CNTN5: variants seen among roughly 807,000 people sequenced by gnomAD.
CNTN5 encodes the protein contactin 5.
A neutral mutation model predicts 129.1 loss-of-function variants in CNTN5; 77 were observed. That is an observed-to-expected ratio of 0.60 (90% CI 0.50 to 0.72). The LOEUF is 0.72. Among genes scored for constraint, CNTN5 ranks in the 30% least tolerant of loss-of-function variants. The pLI is 0.00. For synonymous variants in CNTN5, 509 were observed against 465.6 expected, an observed-to-expected ratio of 1.09 and a Z score of -1.20; for missense variants, 1,478 against 1,328.8, an observed-to-expected ratio of 1.11 and a Z score of -1.75.
chr11:99,276,451 A>G (rs1462599819), intron 1 of CNTN5, among the ~76,000 whole-genome samples: 2 of 151,556 alleles, frequency 1.3e-5, no homozygotes, highest in Non-Finnish European at 3.0e-5. Context: ...CTTTCCTGTA[A>G]TTTTTTAAAA....
At chr11:99,352,046 T>C (rs766418525) in intron 2 of CNTN5, among the ~76,000 whole-genome samples, 2 of 152,226 alleles carry the variant, frequency 1.3e-5, no homozygotes, top group Non-Finnish European at 2.9e-5. Flanking sequence ...GTATGTACCA[T>C]GCATGTACAA....
At chr11:99,937,052 C>T (rs1950331470) in intron 7 of CNTN5, among the ~76,000 whole-genome samples, 3 of 151,916 alleles carry the variant, frequency 2.0e-5, no homozygotes, top group Admixed American at 6.6e-5. Flanking sequence ...GCTAAAAACA[C>T]TAAAGGAAAA....
intron 6 of CNTN5, among the ~76,000 whole-genome samples, chr11:99,849,592 A>C (rs1007499400): frequency 6.6e-6 from 1 of 152,148 alleles, no homozygotes; most frequent in African/African-American, 2.4e-5. Flanking sequence ...GATAGCACCA[A>C]ATAAGTTCTG....
intron 3 of CNTN5, among the ~76,000 whole-genome samples, chr11:99,712,235 A>T (rs1009501827): frequency 1.3e-5 from 2 of 152,126 alleles, no homozygotes; most frequent in Non-Finnish European, 2.9e-5. Flanking sequence ...ACCAGTGATG[A>T]TGAGCATTCT....
Position 99,620,118 on chromosome 11 carries a change from A to G in CNTN5, c.55+63849A>G, listed in dbSNP as rs941999186. Among the ~76,000 whole-genome samples the G allele has an allele frequency of 4.6e-5, 7 of 152,084 alleles. No homozygotes were observed. In the East Asian group the frequency reaches 7.7e-4, roughly 17 times the overall value. ...CTTTTCATTAAACTTAAATTTTAAT[A>G]TTTTTATAAGTGCTTAAAGTAAATC... On this transcript the variant is annotated intron_variant, in intron 3 of 24. Coordinates refer to ENST00000524871, the MANE Select transcript of CNTN5 (RefSeq NM_014361.4).
intron 13 of CNTN5, among the ~76,000 whole-genome samples, chr11:100,155,858 TC>T (rs1295068325): frequency 2.0e-5 from 3 of 152,284 alleles, no homozygotes; most frequent in African/African-American, 4.8e-5. Context: ...TGATTTTGTA[TC>T]CTGAGACTTT....
intron 2 of CNTN5, among the ~76,000 whole-genome samples, chr11:99,443,548 A>T (rs1366559073): frequency 6.6e-6 from 1 of 152,232 alleles, no homozygotes; most frequent in Non-Finnish European, 1.5e-5. Context: ...GTCACTTCTC[A>T]TTTGTAAAAG....
intron 2 of CNTN5, among the ~76,000 whole-genome samples, chr11:99,498,575 C>G (rs1390390128): frequency 1.3e-5 from 2 of 152,170 alleles, no homozygotes; most frequent in Non-Finnish European, 1.5e-5. Flanking sequence ...CCTACTCCCA[C>G]CCACCTCCAC....
At chr11:100,281,576 G>T (rs1408258050) in intron 18 of CNTN5, among the ~76,000 whole-genome samples, 1 of 151,988 alleles carries the variant, frequency 6.6e-6, no homozygotes, top group Non-Finnish European at 1.5e-5. Flanking sequence ...TGTTCTTTGG[G>T]TTGAATCTGC....
intron 1 of CNTN5, among the ~76,000 whole-genome samples, chr11:99,209,001 ATATTTTAATAATGTTGCAAATATAAAATC>A (rs1476943053): frequency 4.6e-5 from 7 of 152,170 alleles, no homozygotes; most frequent in Non-Finnish European, 1.0e-4. Context: ...TCATTAAAAT[ATATTTTAATAATGTTGCAAATATAAAATC>A]TATTTTAATA....
At chr11:99,660,474 A>G (rs533799051) in intron 3 of CNTN5, among the ~76,000 whole-genome samples, 40 of 152,254 alleles carry the variant, frequency 2.6e-4, no homozygotes, top group African/African-American at 9.6e-4. Flanking sequence ...AAATATGTGC[A>G]GTTTTATTAT....
rs545812279 is a variant in CNTN5 at position 99,300,117 on chromosome 11, T to G, written c.-209-25229T>G. ...CAGGTTGACGCCTTTTATTTCTTTT[T>G]CTTGCCTGATTGTTGTGGCCAGGAC... On this transcript the variant is annotated intron_variant, in intron 1 of 24. Transcript: ENST00000524871. 4.6e-5 allele frequency among the ~76,000 whole-genome samples: 7 copies of G among 152,264 alleles called. No homozygotes were observed. In the South Asian group the frequency reaches 8.3e-4, roughly 18 times the overall value.
At chr11:99,453,507 A>G (rs941269959) in intron 2 of CNTN5, among the ~76,000 whole-genome samples, 2 of 152,214 alleles carry the variant, frequency 1.3e-5, no homozygotes, top group Admixed American at 1.3e-4. Context: ...CAGCTTTTGT[A>G]AATAGCAAAA....
At chr11:99,252,718 A>T (rs73000228) in intron 1 of CNTN5, among the ~76,000 whole-genome samples, 24,769 of 151,842 alleles carry the variant, frequency 0.16, 2,318 homozygotes, top group African/African-American at 0.24. Context: ...CTTTCTCAGG[A>T]TTTTGATTCT....
chr11:99,861,200 G>A lies in CNTN5; in HGVS notation c.577+15938G>A, dbSNP rs573023562. On this transcript the variant is annotated intron_variant, in intron 6 of 24. Coordinates refer to ENST00000524871, the MANE Select transcript of CNTN5 (RefSeq NM_014361.4). ...TCTCAATCTCCTGACCTCGTGATCC[G>A]CCAGCCTCAGCCTCCCAAAGTGTTG... 4.6e-5 allele frequency among the ~76,000 whole-genome samples: 7 copies of A among 152,020 alleles called. No homozygotes were observed. In the East Asian group the frequency reaches 5.8e-4, roughly 13 times the overall value.
Position 100,340,481 on chromosome 11 carries a change from A to G in CNTN5, c.2749A>G (p.Met917Val). 6.2e-7 allele frequency: 1 copy of G among 1,610,838 alleles called. No homozygotes were observed. The highest frequency in any genetic ancestry group is 8.5e-7 in the Non-Finnish European group (1 of 1,178,432). ...QGFEVGYWKDMEQEDTAETVK... is the reference protein window; with the variant it reads ...QGFEVGYWKDVEQEDTAETVK... ...TTGATAGGTTGGTTACTGGAAAGAC[A>G]TGGAACAGGAAGATACAGCAGAAAC... Residue 917 changes from methionine (M) to valine (V), a missense_variant, in exon 22 of 25, where the codon ATG becomes GTG. Transcript: ENST00000524871.
chr11:99,959,128 C>T (rs779590322), intron 8 of CNTN5, among the ~76,000 whole-genome samples: 1 of 152,132 alleles, frequency 6.6e-6, no homozygotes, highest in Non-Finnish European at 1.5e-5. Flanking sequence ...AAAACCCCAA[C>T]TCCAGTGAAC....
intron 3 of CNTN5, among the ~76,000 whole-genome samples, chr11:99,582,873 G>A (rs750614934): frequency 2.0e-5 from 3 of 152,212 alleles, no homozygotes; most frequent in Non-Finnish European, 4.4e-5. Context: ...GTGAGGAGCT[G>A]TGTTCCTTTG....
chr11:100,117,477 G>C (rs530171087), intron 13 of CNTN5, among the ~76,000 whole-genome samples: 31 of 152,074 alleles, frequency 2.0e-4, no homozygotes, highest in Admixed American at 1.0e-3. Context: ...GATAGTATCT[G>C]TTGCAAAATA....
Sources: gnomAD v4.1 joint callset for allele counts (sites outside exome capture counted in the v4.1 genomes callset) on GRCh38, gnomAD v4.1.1 for gene constraint, MANE v1.5 for transcripts, NCBI Gene and HGNC (gene_info 2026-07-23, HGNC 2026-07-21) for gene names.